CDYL2: variants seen among roughly 807,000 people sequenced by gnomAD.
CDYL2 encodes the protein chromodomain Y-like protein 2.
Under a neutral mutation model 49.4 loss-of-function variants are expected in CDYL2, and 23 were observed. The ratio of observed to expected loss-of-function variants is 0.47; its 90% CI spans 0.34 to 0.66. The LOEUF is 0.66. Among genes scored for constraint, CDYL2 ranks in the 30% least tolerant of loss-of-function variants. The pLI, the probability that CDYL2 is intolerant of heterozygous loss-of-function variation, is 0.01. For synonymous variants in CDYL2, 360 were observed against 268.8 expected, an observed-to-expected ratio of 1.34 and a Z score of -3.32; for missense variants, 678 against 656.4, an observed-to-expected ratio of 1.03 and a Z score of -0.36.
intron 4 of CDYL2, among the ~76,000 whole-genome samples, chr16:80,613,473 C>T (rs1435027268): frequency 6.6e-6 from 1 of 152,136 alleles, no homozygotes; most frequent in African/African-American, 2.4e-5. Flanking sequence ...TTCTGAATTA[C>T]CTGCAGGGAT....
At chr16:80,707,074 T>C (rs1904430240) in intron 1 of CDYL2, among the ~76,000 whole-genome samples, 1 of 152,182 alleles carries the variant, frequency 6.6e-6, no homozygotes. Context: ...TCCAACTCCC[T>C]GCACCCAGAG....
intron 2 of CDYL2, among the ~76,000 whole-genome samples, chr16:80,659,051 TGATGGATGGATGGATGGATGGATG>T (rs57221086): frequency 1.6e-4 from 24 of 149,964 alleles, no homozygotes; most frequent in African/African-American, 4.9e-4. Flanking sequence ...ACGATAGAGG[TGATGGATGGATGGATGGATGGATG>T]GATGGATGGA....
chr16:80,676,393 T>C (rs1008972667), intron 2 of CDYL2, among the ~76,000 whole-genome samples: 14 of 152,150 alleles, frequency 9.2e-5, no homozygotes, highest in Non-Finnish European at 1.5e-4. Flanking sequence ...AGTGGATACA[T>C]GGATACCTGT....
chr16:80,684,804 T>C lies in CDYL2; in HGVS notation c.350A>G (p.Lys117Arg), dbSNP rs761768744. The C allele has an allele frequency of 1.9e-6, 3 of 1,614,062 alleles. No individual in the cohort carries two copies. The highest frequency in any genetic ancestry group is 2.7e-5 in the African/African-American group (2 of 74,922). Reference protein sequence around the residue: ...KRINPPLAKPKKGYSGKPSSG... With the variant: ...KRINPPLAKPRKGYSGKPSSG... The stretch of plus-strand genomic sequence containing the variant: ...AGAGGGCTTGCCTGAATACCCTTTT[T>C]TTGGCTTGGCCAGGGGAGGGTTAAT... Residue 117 changes from lysine to arginine, a missense_variant, in exon 2 of 7, where the codon AAA (lysine) becomes AGA (arginine). Physicochemically the swap from Lys to Arg is conservative, Grantham distance 26. Around this residue, in one of 3 missense-constraint regions of CDYL2, gnomAD observed 478 missense variants for 427.0 expected, o/e 1.12. Transcript: ENST00000570137.
At chr16:80,716,907 T>C (rs377196009) in intron 1 of CDYL2, among the ~76,000 whole-genome samples, 2 of 139,106 alleles carry the variant, frequency 1.4e-5, no homozygotes, top group African/African-American at 2.7e-5. Flanking sequence ...GGATGGATGA[T>C]TGAATGGACA....
At chr16:80,661,042 G>A (rs1298386524) in intron 2 of CDYL2, among the ~76,000 whole-genome samples, 1 of 152,108 alleles carries the variant, frequency 6.6e-6, no homozygotes, top group Non-Finnish European at 1.5e-5. Flanking sequence ...AGACCGTAGG[G>A]CACTTCTACC....
chr16:80,774,692 TAAAA>T (rs1158897713), intron 1 of CDYL2, among the ~76,000 whole-genome samples: 2 of 151,922 alleles, frequency 1.3e-5, no homozygotes, highest in East Asian at 3.9e-4. Context: ...CAATTAAAAA[TAAAA>T]AATAAGTGTA....
chr16:80,799,421 A>C (rs1907860414), intron 1 of CDYL2, among the ~76,000 whole-genome samples: 1 of 152,178 alleles, frequency 6.6e-6, no homozygotes, highest in African/African-American at 2.4e-5. Flanking sequence ...GGAGGACGTG[A>C]TCATCATTGT....
At chr16:80,645,173 A>C (rs1908279868) in intron 2 of CDYL2, among the ~76,000 whole-genome samples, 1 of 152,228 alleles carries the variant, frequency 6.6e-6, no homozygotes, top group African/African-American at 2.4e-5. Context: ...TCTGCACAGC[A>C]AAAGAAACTA....
In CDYL2 at chr16:80,612,970, A is replaced by C. The variant is rs191160854; in HGVS notation, c.1008-134T>G. 4.2e-6 allele frequency: 3 copies of C among 717,704 alleles called. No individual in the cohort carries two copies. Among genetic ancestry groups the C allele is most frequent in the East Asian group, 2.8e-5 (1 of 35,116 alleles). 44.5% of individuals were successfully genotyped at this position (717,704 alleles called of 1,614,324 possible). On this transcript the variant is annotated intron_variant, in intron 4 of 6. Coordinates refer to ENST00000570137, the MANE Select transcript of CDYL2 (RefSeq NM_152342.4). The surrounding 1 kb of genome is among the most constrained non-coding windows in gnomAD (Gnocchi z 5.0). The stretch of plus-strand genomic sequence containing the variant: ...GTTAGAGGTGCCAGGCAAGGGCCTC[A>C]TTGCCTGGACATGGAACCACCAGCT...
At chr16:80,644,865 C>T (rs1908263693) in intron 2 of CDYL2, among the ~76,000 whole-genome samples, 1 of 151,814 alleles carries the variant, frequency 6.6e-6, no homozygotes, top group African/African-American at 2.4e-5. Context: ...CTTTGACAAA[C>T]CTGACAAAAA....
At chr16:80,647,956 G>A (rs1597147517) in intron 2 of CDYL2, among the ~76,000 whole-genome samples, 1 of 152,176 alleles carries the variant, frequency 6.6e-6, no homozygotes, top group Admixed American at 6.5e-5. Context: ...AAAAATTCTT[G>A]AAACAAATGA....
chr16:80,612,459 G>C lies in CDYL2; in HGVS notation c.1218+167C>G, dbSNP rs980509509. On this transcript the variant is annotated intron_variant, in intron 5 of 6. Transcript: ENST00000570137. The surrounding 1 kb of genome is among the most constrained non-coding windows in gnomAD (Gnocchi z 5.0). ...CACTGACATCATCGCCATCTTCTCA[G>C]GCCGGGCTACTCCATCTGGCACTGA... Among the ~76,000 whole-genome samples the C allele has an allele frequency of 6.6e-6, 1 of 152,154 alleles. No individual in the cohort carries two copies. The highest frequency in any genetic ancestry group is 1.5e-5 in the Non-Finnish European group (1 of 68,024).
Position 80,794,641 on chromosome 16 carries a change from T to C in CDYL2, c.24+9509A>G, listed in dbSNP as rs368379834. Among the ~76,000 whole-genome samples the C allele has an allele frequency of 4.6e-4, 67 of 144,128 alleles. No homozygotes were observed. In the East Asian group the frequency reaches 0.012, roughly 25 times the overall value. 94.6% of individuals were successfully genotyped at this position (144,128 alleles called of 152,430 possible). On this transcript the variant is annotated intron_variant, in intron 1 of 6. Transcript: ENST00000570137. ...TTTTTTTTTTTTTGGGACAGAGTTC[T>C]GCTCTTGTTGCCCAGGCTGGAGTGC...
intron 1 of CDYL2, among the ~76,000 whole-genome samples, chr16:80,706,233 C>G (rs1250468080): frequency 6.6e-6 from 1 of 152,244 alleles, no homozygotes; most frequent in Non-Finnish European, 1.5e-5. Flanking sequence ...TGTCCCTTGG[C>G]TACAGGCCAG....
chr16:80,737,722 C>T (rs1356524000), intron 1 of CDYL2, among the ~76,000 whole-genome samples: 3 of 152,164 alleles, frequency 2.0e-5, no homozygotes, highest in African/African-American at 4.8e-5. Context: ...CCAGAGTTTC[C>T]GATTCAGTAG....
chr16:80,606,398 G>T lies in CDYL2; in HGVS notation c.1362+1694C>A, dbSNP rs550768737. Among the ~76,000 whole-genome samples, 4 of 152,272 alleles carry T rather than the reference G, an allele frequency of 2.6e-5. No homozygotes were observed. In the South Asian group the frequency reaches 8.3e-4, roughly 32 times the overall value. ...TCCTTCAACACTTGGTTTCACCTGAGCCTCTCTTCCCTGCCACAGAACAGG... is the reference window on the plus strand; with the variant it reads ...TCCTTCAACACTTGGTTTCACCTGATCCTCTCTTCCCTGCCACAGAACAGG... On this transcript the variant is annotated intron_variant, in intron 6 of 6. Transcript: ENST00000570137.
At position 80,725,763 on chromosome 16, in the gene CDYL2, G is replaced by A. The variant is rs13339101; in HGVS notation, c.25-40634C>T. On this transcript the variant is annotated intron_variant, in intron 1 of 6. Transcript: ENST00000570137. The stretch of plus-strand genomic sequence containing the variant: ...GCCAGCCAACCACAGTGTGAGTAAC[G>A]CGCTTTAGCAACAAGCACGCTGCCC... Among the ~76,000 whole-genome samples the A allele has an allele frequency of 9.5e-3, 1,444 of 152,262 alleles. 19 individuals carry two copies. The highest frequency in any genetic ancestry group is 0.033 in the African/African-American group (1,363 of 41,538).
At chr16:80,774,139 G>A (rs1211660817) in intron 1 of CDYL2, among the ~76,000 whole-genome samples, 1 of 151,714 alleles carries the variant, frequency 6.6e-6, no homozygotes, top group East Asian at 1.9e-4. Flanking sequence ...AAATACACAA[G>A]GAAAATAACA....
Sources: allele counts gnomAD v4.1 joint callset (sites outside exome capture counted in the v4.1 genomes callset), GRCh38; gene constraint gnomAD v4.1.1; regional missense constraint gnomAD v4.1.1; non-coding constraint Gnocchi (gnomAD v3.1); transcripts MANE v1.5; gene names NCBI Gene and HGNC (gene_info 2026-07-23, HGNC 2026-07-21).